Variants in RBM34 observed in about 807,000 individuals in gnomAD.
RBM34 encodes the protein RNA binding motif protein 34.
Under a neutral mutation model 44.6 loss-of-function variants are expected in RBM34, and 39 were observed. The observed-to-expected ratio is 0.87, with a 90% confidence interval of 0.68 to 1.14. The LOEUF (loss-of-function observed/expected upper bound fraction) is 1.14, where lower values mean the gene tolerates loss of function less well. Ranked by LOEUF, RBM34 falls within the 50% of genes most tolerant of loss-of-function variation. The pLI, the probability that RBM34 is intolerant of heterozygous loss-of-function variation, is 0.00. For missense variants in RBM34, 572 were observed against 517.9 expected (o/e 1.10, Z -1.01); for synonymous variants, 194 against 184.0 (o/e 1.05, Z -0.44).
rs1269074731 is a variant in RBM34, at chr1:235,131,895, GTTGT to G, written c.1107_1110del (p.Lys369AsnfsTer8). 6.2e-7 allele frequency: 1 copy of G among 1,613,816 alleles called. No individual in the cohort carries two copies. Among genetic ancestry groups the G allele is most frequent in the East Asian group, 2.2e-5 (1 of 44,876 alleles). On this transcript the variant is annotated frameshift_variant, in exon 11 of 11. Transcript: ENST00000408888. LOFTEE classifies it high-confidence loss of function. ...TTCTTCAATCGTGGATTTGAATTTTGTTGTTTAAATTTTTCTTTATTAACAGAAC... is the reference window on the plus strand; with the variant it reads ...TTCTTCAATCGTGGATTTGAATTTTGTTAAATTTTTCTTTATTAACAGAAC...
At chr1:235,153,386 TTC>T (rs1367155384) in intron 4 of RBM34, among the ~76,000 whole-genome samples, 1 of 152,128 alleles carries the variant, frequency 6.6e-6, no homozygotes, top group African/African-American at 2.4e-5. Flanking sequence ...CTTCCATAGA[TTC>T]TCTCATGTTT....
chr1:235,154,734 G>T, intron 4 of RBM34, 147 bp downstream of exon 4: 1 of 684,312 alleles, frequency 1.5e-6, no homozygotes. Context: ...AAAAGGAGGG[G>T]GTGGATACTG....
intron 10 of RBM34, among the ~76,000 whole-genome samples, chr1:235,132,242 C>T (rs1029532861): frequency 1.3e-5 from 2 of 151,728 alleles, no homozygotes; most frequent in Admixed American, 6.6e-5. Flanking sequence ...CTACAGGCTT[C>T]GTGGTTTTTT....
intron 6 of RBM34, among the ~76,000 whole-genome samples, chr1:235,140,700 G>T (rs1661646423): frequency 1.3e-5 from 2 of 152,366 alleles, no homozygotes; most frequent in South Asian, 2.1e-4. Context: ...GGGATTGGCA[G>T]GCAGCTCCAC....
At chr1:235,146,713 T>C (rs1350375138) in intron 6 of RBM34, among the ~76,000 whole-genome samples, 24 of 152,168 alleles carry the variant, frequency 1.6e-4, no homozygotes, top group Non-Finnish European at 1.3e-4. Flanking sequence ...CTTCATCTCC[T>C]GGGATCAAGC....
At chr1:235,138,045 TAC>T (rs1661501446) in intron 7 of RBM34, 44 bp downstream of exon 7, 1 of 1,563,328 alleles carries the variant, frequency 6.4e-7, no homozygotes, top group East Asian at 2.2e-5. Context: ...TACTCATACA[TAC>T]TTATAGGACA....
At chr1:235,141,520 G>T (rs1661681571) in intron 6 of RBM34, among the ~76,000 whole-genome samples, 1 of 152,184 alleles carries the variant, frequency 6.6e-6, no homozygotes, top group Non-Finnish European at 1.5e-5. Context: ...GGATGTGGGT[G>T]GGGCCAGATA....
intron 10 of RBM34, among the ~76,000 whole-genome samples, chr1:235,133,495 G>A (rs962595634): frequency 6.6e-6 from 1 of 152,086 alleles, no homozygotes; most frequent in African/African-American, 2.4e-5. Flanking sequence ...AAAATAAGAT[G>A]TAAATATAAT....
chr1:235,153,298 T>C (rs35370911), intron 4 of RBM34, among the ~76,000 whole-genome samples: 443 of 152,318 alleles, frequency 2.9e-3, no homozygotes, highest in Non-Finnish European at 4.5e-3. Context: ...CAAGCTCCTA[T>C]TAGTATCCAT....
chr1:235,131,760 C>T lies in RBM34; in HGVS notation c.1246G>A (p.Gly416Arg), dbSNP rs1172399127. ...TTAGGGCGTCCACTTTTCTTCTGTC[C>T]TTTCTTCTTCGTTTTAAGGAGAACA... Reference protein sequence around the residue: ...KAVLLKTKKKGQKKSGRPKKQ... With the variant: ...KAVLLKTKKKRQKKSGRPKKQ... The change falls in exon 11 of 11, where the codon GGA becomes AGA. Residue 416 changes from glycine to arginine, a missense_variant. Transcript: ENST00000408888. The T allele has an allele frequency of 6.2e-7, 1 of 1,610,312 alleles. No individual in the cohort carries two copies. The highest frequency in any genetic ancestry group is 1.1e-5 in the South Asian group (1 of 90,198).
intron 6 of RBM34, among the ~76,000 whole-genome samples, chr1:235,139,842 A>G (rs1006703226): frequency 6.6e-6 from 1 of 152,214 alleles, no homozygotes; most frequent in Non-Finnish European, 1.5e-5. Flanking sequence ...ATGGCCGAGC[A>G]CAGGGGCAAA....
intron 6 of RBM34, among the ~76,000 whole-genome samples, chr1:235,145,427 C>A (rs567234209): frequency 6.6e-6 from 1 of 151,904 alleles, no homozygotes; most frequent in African/African-American, 2.4e-5. Flanking sequence ...CAGGCGTGCA[C>A]CACCTTGCCC....
rs1402630961 is a variant in RBM34 at position 235,155,830 on chromosome 1, T to TAC, written c.366-719_366-718insGT. Among the ~76,000 whole-genome samples the TAC allele has an allele frequency of 4.4e-3, 80 of 18,190 alleles. 1 individual carries two copies. The highest frequency in any genetic ancestry group is 5.7e-3 in the Non-Finnish European group (65 of 11,334). 11.9% of individuals were successfully genotyped at this position (18,190 alleles called of 152,430 possible). On this transcript the variant is annotated intron_variant, in intron 3 of 10. Coordinates refer to ENST00000408888, the MANE Select transcript of RBM34 (RefSeq NM_015014.4). ...TTTTATACATACATATACATATATATATATATATATATATATATATATATA... is the reference window on the plus strand; with the variant it reads ...TTTTATACATACATATACATATATATACATATATATATATATATATATATATA...
In RBM34 at chr1:235,131,893, T is replaced by C. The variant is rs1375745076; in HGVS notation, c.1113A>G (p.Gln371=). The C allele has an allele frequency of 6.2e-7, 1 of 1,614,126 alleles. No homozygotes were observed. Among genetic ancestry groups the C allele is most frequent in the Non-Finnish European group, 8.5e-7 (1 of 1,179,990 alleles). The change falls in exon 11 of 11, where the codon CAA becomes CAG. Residue 371 remains glutamine, a synonymous_variant. Coordinates refer to ENST00000408888, the MANE Select transcript of RBM34 (RefSeq NM_015014.4). ...CATTCTTCAATCGTGGATTTGAATT[T>C]TGTTGTTTAAATTTTTCTTTATTAA... ...RSVNKEKFKQ[Q]NSNPRLKNVS... is the part of the protein sequence containing the mutation.
intron 10 of RBM34, 151 bp downstream of exon 10, chr1:235,135,501 T>C: frequency 2.9e-6 from 2 of 701,256 alleles, no homozygotes; most frequent in East Asian, 5.1e-5. Context: ...AGTGCTGGGA[T>C]TACAGGCATG....
At chr1:235,148,271 A>G (rs2102847429) in intron 6 of RBM34, 133 bp downstream of exon 6, 1 of 548,334 alleles carries the variant, frequency 1.8e-6, no homozygotes, top group Non-Finnish European at 3.0e-6. Context: ...CAAATACAGA[A>G]GCAAACAGTC....
intron 3 of RBM34, chr1:235,156,818 C>A: frequency 3.1e-6 from 1 of 319,526 alleles, no homozygotes; most frequent in Middle Eastern, 6.2e-4. Flanking sequence ...CAATCAAAGG[C>A]CTCCAACAGT....
intron 6 of RBM34, 112 bp downstream of exon 6, chr1:235,148,292 T>C: frequency 5.6e-6 from 4 of 717,318 alleles, no homozygotes; most frequent in Non-Finnish European, 8.7e-6. Context: ...AATCATGCTC[T>C]ATTATCCAAA....
chr1:235,150,472 G>A (rs187631675), intron 5 of RBM34, among the ~76,000 whole-genome samples: 4 of 152,142 alleles, frequency 2.6e-5, no homozygotes, highest in East Asian at 1.9e-4. Context: ...ATAAAGTATC[G>A]GAAAAGCTTT....
Sources: gnomAD v4.1 joint callset for allele counts (sites outside exome capture counted in the v4.1 genomes callset) on GRCh38, gnomAD v4.1.1 for gene constraint, MANE v1.5 for transcripts, NCBI Gene and HGNC (gene_info 2026-07-23, HGNC 2026-07-21) for gene names.